The following GRM1 variants were observed in gnomAD, a reference collection of about 807,000 sequenced individuals.
GRM1 encodes the protein metabotropic glutamate receptor 1.
Under a neutral mutation model 90.9 loss-of-function variants are expected in GRM1, and 33 were observed. The observed-to-expected ratio is 0.36, with a 90% confidence interval of 0.28 to 0.49. GRM1 has a LOEUF of 0.49. Ranked by LOEUF, GRM1 falls within the 20% of genes least tolerant of loss-of-function variation. The probability of loss-of-function intolerance (pLI) is 0.99; values close to 1 mark genes in which losing one functional copy is unlikely to be tolerated. For missense variants in GRM1, 1,190 were observed against 1,534.3 expected, an observed-to-expected ratio of 0.78 and a Z score of 3.75; for synonymous variants, 700 against 613.2, an observed-to-expected ratio of 1.14 and a Z score of -2.09.
At chr6:146,403,722 A>G (rs1445413130) in intron 7 of GRM1, among the ~76,000 whole-genome samples, 1 of 152,080 alleles carries the variant, frequency 6.6e-6, no homozygotes, top group East Asian at 1.9e-4. Context: ...TGTATTAGTG[A>G]GTTTACAGAT....
chr6:146,365,823 G>A (rs553028135), intron 5 of GRM1, among the ~76,000 whole-genome samples: 1 of 152,144 alleles, frequency 6.6e-6, no homozygotes, highest in African/African-American at 2.4e-5. Flanking sequence ...CTATCAGGAC[G>A]AGGACCAGAG....
Position 146,029,343 on chromosome 6 carries a change from A to C in GRM1, c.-175A>C. The C allele has an allele frequency of 1.5e-6, 1 of 659,722 alleles. No individual in the cohort carries two copies. Among genetic ancestry groups the C allele is most frequent in the Non-Finnish European group, 2.7e-6 (1 of 367,498 alleles). 40.9% of individuals were successfully genotyped at this position (659,722 alleles called of 1,614,324 possible). A position where few individuals can be genotyped will look rare whatever the true frequency, so the allele number is the denominator to read the frequency against. ...GGTCGTGGAGGACCCAGAGGAGGAG[A>C]CGAAGGGGAAGGAGGCGGTGGTGGA... On this transcript the variant is annotated 5_prime_UTR_variant, in exon 1 of 8. Transcript: ENST00000282753.
At chr6:146,190,734 C>T (rs1332666546) in intron 2 of GRM1, among the ~76,000 whole-genome samples, 1 of 152,150 alleles carries the variant, frequency 6.6e-6, no homozygotes, top group African/African-American at 2.4e-5. Context: ...ATCCGTATTG[C>T]CACTACTTCA....
chr6:146,331,470 A>C (rs527975308), intron 3 of GRM1, among the ~76,000 whole-genome samples: 3 of 152,332 alleles, frequency 2.0e-5, no homozygotes, highest in Admixed American at 6.5e-5. Context: ...CCATTTCACT[A>C]TATATATATC....
intron 1 of GRM1, among the ~76,000 whole-genome samples, chr6:146,036,560 T>C (rs1308793452): frequency 6.6e-6 from 1 of 151,970 alleles, no homozygotes; most frequent in Non-Finnish European, 1.5e-5. Context: ...ATAATTTTAA[T>C]TACCTTCTGT....
intron 2 of GRM1, among the ~76,000 whole-genome samples, chr6:146,198,218 C>T (rs964196623): frequency 2.6e-5 from 4 of 152,314 alleles, no homozygotes; most frequent in African/African-American, 9.6e-5. Context: ...TTTAGCAATG[C>T]CACATCCAGC....
At chr6:146,055,083 C>T (rs564638550) in intron 1 of GRM1, among the ~76,000 whole-genome samples, 17 of 152,134 alleles carry the variant, frequency 1.1e-4, no homozygotes, top group African/African-American at 3.1e-4. Context: ...TACTGTGTTA[C>T]GGGCAATTAA....
At chr6:146,325,670 A>G (rs764353045) in intron 3 of GRM1, among the ~76,000 whole-genome samples, 8 of 152,224 alleles carry the variant, frequency 5.3e-5, no homozygotes, top group Non-Finnish European at 1.2e-4. Flanking sequence ...AAAATTGTCC[A>G]GGGGTCCTTG....
At chr6:146,380,612 G>T (rs562638944) in intron 5 of GRM1, among the ~76,000 whole-genome samples, 1 of 152,202 alleles carries the variant, frequency 6.6e-6, no homozygotes, top group East Asian at 1.9e-4. Context: ...CAAGGACCCA[G>T]GAGCCCATTT....
intron 2 of GRM1, among the ~76,000 whole-genome samples, chr6:146,175,697 A>C (rs953131614): frequency 4.6e-5 from 7 of 152,114 alleles, no homozygotes; most frequent in African/African-American, 1.7e-4. Flanking sequence ...TTTTCTTTTT[A>C]AAGTCACAAA....
At chr6:146,113,856 T>C (rs1317582726) in intron 1 of GRM1, among the ~76,000 whole-genome samples, 3 of 152,198 alleles carry the variant, frequency 2.0e-5, no homozygotes, top group Non-Finnish European at 4.4e-5. Context: ...GGTGAGTTCA[T>C]GGCTGTTTGG....
chr6:146,214,706 A>C (rs1779810289), intron 2 of GRM1, among the ~76,000 whole-genome samples: 1 of 152,232 alleles, frequency 6.6e-6, no homozygotes, highest in Non-Finnish European at 1.5e-5. Context: ...AAGAGAATAT[A>C]GGAATAAATA....
intron 1 of GRM1, among the ~76,000 whole-genome samples, chr6:146,060,366 C>A (rs1317703544): frequency 6.6e-6 from 1 of 151,826 alleles, no homozygotes; most frequent in Admixed American, 6.6e-5. Flanking sequence ...AGGATAGTAC[C>A]CAACAGGTAG....
intron 5 of GRM1, among the ~76,000 whole-genome samples, chr6:146,369,949 C>G (rs1583400085): frequency 6.6e-6 from 1 of 152,112 alleles, no homozygotes; most frequent in East Asian, 1.9e-4. Context: ...TACCGTATAG[C>G]AGTCTATCTG....
chr6:146,114,072 A>G (rs1160550393), intron 1 of GRM1, among the ~76,000 whole-genome samples: 1 of 152,164 alleles, frequency 6.6e-6, no homozygotes. Flanking sequence ...GTTGAAATTG[A>G]AAAGGGAGAG....
intron 2 of GRM1, among the ~76,000 whole-genome samples, chr6:146,246,713 A>G (rs1006149595): frequency 2.0e-5 from 3 of 152,204 alleles, no homozygotes; most frequent in African/African-American, 7.2e-5. Context: ...AATCCAATAC[A>G]TGAAATAGGT....
intron 1 of GRM1, among the ~76,000 whole-genome samples, chr6:146,035,952 C>A (rs1445607323): frequency 1.3e-5 from 2 of 151,968 alleles, no homozygotes; most frequent in African/African-American, 4.8e-5. Flanking sequence ...CTTTGCCACA[C>A]AATCACCCTG....
intron 2 of GRM1, among the ~76,000 whole-genome samples, chr6:146,260,676 A>G (rs1480694438): frequency 6.6e-6 from 1 of 151,938 alleles, no homozygotes; most frequent in Non-Finnish European, 1.5e-5. Flanking sequence ...GTTGTATCTC[A>G]TCTCCGTTTT....
At chr6:146,426,684 G>A in intron 7 of GRM1, 1 of 958,456 alleles carries the variant, frequency 1.0e-6, no homozygotes, top group South Asian at 1.4e-5. Context: ...TTTGCCCCTT[G>A]CTTTCTCTCT....
Sources: allele counts gnomAD v4.1 joint callset (sites outside exome capture counted in the v4.1 genomes callset), GRCh38; gene constraint gnomAD v4.1.1; transcripts MANE v1.5; gene names NCBI Gene and HGNC (gene_info 2026-07-23, HGNC 2026-07-21).